CFAP47: variants seen among roughly 807,000 people sequenced by gnomAD.
CFAP47 encodes cilia- and flagella-associated protein 47.
CFAP47 carries 29 observed loss-of-function variants against 148.1 expected under a neutral mutation model. The observed-to-expected ratio is 0.20, with a 90% confidence interval of 0.15 to 0.27. CFAP47 has a LOEUF of 0.27. CFAP47 is among the 10% of genes least tolerant of loss of function. The probability of loss-of-function intolerance (pLI) is 1.00; values close to 1 mark genes in which losing one functional copy is unlikely to be tolerated. For synonymous variants in CFAP47, 664 were observed against 577.3 expected (o/e 1.15, Z -2.15); for missense variants, 1,872 against 1,697.5 (o/e 1.10, Z -1.81).
chrX:36,297,794 C>T (rs962675696), intron 51 of CFAP47, among the ~76,000 whole-genome samples: 8 of 112,050 alleles, frequency 7.1e-5, no homozygotes, highest in African/African-American at 2.3e-4. Context: ...TGCTAAGATA[C>T]GTTGCTACTT....
At chrX:36,093,490 GC>G (rs1482737029) in intron 30 of CFAP47, among the ~76,000 whole-genome samples, 1 of 110,778 alleles carries the variant, frequency 9.0e-6, no homozygotes, top group Non-Finnish European at 1.9e-5. Flanking sequence ...CTTTTGATTT[GC>G]ATTTATCTGT....
chrX:36,310,957 T>C lies in CFAP47; in HGVS notation c.8312T>C (p.Met2771Thr), dbSNP rs781804640. 73 of 1,135,170 alleles carry C rather than the reference T, an allele frequency of 6.4e-5. No individual in the cohort carries two copies. Among genetic ancestry groups the C allele is most frequent in the Non-Finnish European group, 8.5e-5 (72 of 851,779 alleles). The allele number at this position is 1,135,170 out of a possible 1,213,427, so 93.6% of individuals were successfully genotyped here. Residue 2771 changes from methionine (M) to threonine (T), a missense_variant, in exon 56 of 64, where the codon ATG (methionine) becomes ACG (threonine). Coordinates refer to ENST00000378653, the MANE Select transcript of CFAP47 (RefSeq NM_001304548.2). ...TIVIPFKNPTMEDVLIDIILT... is the reference protein window; with the variant it reads ...TIVIPFKNPTTEDVLIDIILT... ...GTTATACCTTTCAAAAATCCCACAA[T>C]GGAAGATGTCCTCATTGATATAATA...
At chrX:36,291,840 A>C (rs1941196093) in intron 51 of CFAP47, among the ~76,000 whole-genome samples, 1 of 111,467 alleles carries the variant, frequency 9.0e-6, no homozygotes, top group Non-Finnish European at 1.9e-5. Flanking sequence ...ATATATGTAT[A>C]CTTACATATA....
At chrX:35,989,522 G>T (rs747871559) in intron 16 of CFAP47, 73 bp downstream of exon 16, 16 of 1,206,748 alleles carry the variant, frequency 1.3e-5, no homozygotes, top group Non-Finnish European at 5.6e-6. Context: ...GGTGTATATA[G>T]TTACCTATAT....
In CFAP47 at chrX:36,176,009, C is replaced by T. The variant is rs1292789990; in HGVS notation, c.6027-3336C>T. ...GCGGGATATAATCTCCTGGCGCGCC[C>T]TTTTTTAAGCCCATCGGAAAAGCGC... On this transcript the variant is annotated intron_variant, in intron 39 of 63. Coordinates refer to ENST00000378653, the MANE Select transcript of CFAP47 (RefSeq NM_001304548.2). 2.7e-5 allele frequency among the ~76,000 whole-genome samples: 3 copies of T among 111,799 alleles called. No homozygotes were observed. In the East Asian group the frequency reaches 8.5e-4, roughly 32 times the overall value.
chrX:36,190,632 G>A (rs1384704772), intron 42 of CFAP47, among the ~76,000 whole-genome samples: 1 of 112,230 alleles, frequency 8.9e-6, no homozygotes, highest in Non-Finnish European at 1.9e-5. Context: ...AACTGAGGAA[G>A]GATCTGCTTC....
intron 2 of CFAP47, among the ~76,000 whole-genome samples, chrX:35,940,924 G>T (rs754893519): frequency 6.6e-4 from 74 of 111,313 alleles, no homozygotes; most frequent in African/African-American, 2.2e-3. Flanking sequence ...CTTACATTTT[G>T]TAAGTACTTA....
intron 57 of CFAP47, among the ~76,000 whole-genome samples, chrX:36,335,215 T>C (rs1941595189): frequency 9.0e-6 from 1 of 111,305 alleles, no homozygotes; most frequent in South Asian, 3.8e-4. Context: ...TCTGCCATGA[T>C]AGATACTAAG....
intron 49 of CFAP47, among the ~76,000 whole-genome samples, chrX:36,276,090 C>T (rs938319418): frequency 9.1e-6 from 1 of 109,775 alleles, no homozygotes; most frequent in Non-Finnish European, 1.9e-5. Flanking sequence ...TGTCACTAGT[C>T]ATGCATACCA....
At chrX:35,948,005 G>T (rs1187244524) in intron 3 of CFAP47, among the ~76,000 whole-genome samples, 1 of 111,634 alleles carries the variant, frequency 9.0e-6, no homozygotes, top group Non-Finnish European at 1.9e-5. Context: ...TGCTCCAGGG[G>T]TATTCAATCT....
chrX:35,923,381 TTC>T (rs1935608405), intron 1 of CFAP47, among the ~76,000 whole-genome samples: 1 of 111,668 alleles, frequency 9.0e-6, no homozygotes. Flanking sequence ...TAGATATTAT[TTC>T]TCTTTTTTCT....
In CFAP47 at chrX:35,971,634, A is replaced by G. The variant is rs1936492529; in HGVS notation, c.2019A>G (p.Gly673=). 1 of 1,201,721 alleles carries G rather than the reference A, an allele frequency of 8.3e-7. No homozygotes were observed. Among genetic ancestry groups the G allele is most frequent in the Non-Finnish European group, 1.1e-6 (1 of 888,555 alleles). The change falls in exon 12 of 64, where the codon GGA becomes GGG. Residue 673 remains glycine, a synonymous_variant. Transcript: ENST00000378653. Reference sequence around the variant, plus strand: ...ATACAGACATAGGCTTAGAGCCAGGATCAGGTCTAAAGTCACCCTCACTCT... The same window carrying G: ...ATACAGACATAGGCTTAGAGCCAGGGTCAGGTCTAAAGTCACCCTCACTCT... ...YDDTDIGLEP[G]SGLKSPSLSE... is the part of the protein sequence containing the mutation.
At chrX:35,962,926 GGTGTGTGTGTGTGTGTGTGTGT>G (rs59734260) in intron 8 of CFAP47, among the ~76,000 whole-genome samples, 1 of 90,792 alleles carries the variant, frequency 1.1e-5, no homozygotes, top group African/African-American at 4.1e-5. Context: ...AATAAAATGT[GGTGTGTGTGTGTGTGTGTGTGT>G]GTGTGTGTGT....
At chrX:35,953,785 G>T in intron 7 of CFAP47, 66 bp downstream of exon 7, 1 of 844,147 alleles carries the variant, frequency 1.2e-6, no homozygotes, top group Admixed American at 3.2e-5. Flanking sequence ...ATTTGAACAT[G>T]AATATCTGTA....
Position 36,085,248 on chromosome X carries a change from TG to T in CFAP47, c.4692-65del, listed in dbSNP as rs1235669163. 23 of 655,813 alleles carry T rather than the reference TG, an allele frequency of 3.5e-5. No individual in the cohort carries two copies. The South Asian group carries it at 5.9e-4, about 17-fold the overall frequency. 54.0% of individuals were successfully genotyped at this position (655,813 alleles called of 1,213,427 possible). A position where few individuals can be genotyped will look rare whatever the true frequency, so the allele number is the denominator to read the frequency against. ...TTTCATTTAGTCATTGAATTGAACA[TG>T]TTTTTTTTTCCCCCATACTATAACA... On this transcript the variant is annotated intron_variant, in intron 29 of 63. Coordinates refer to ENST00000378653, the MANE Select transcript of CFAP47 (RefSeq NM_001304548.2).
Position 35,951,232 on chromosome X carries a change from A to G in CFAP47, c.758A>G (p.Glu253Gly). ...AGCATGAGTAGTGACAGAAGGCTGG[A>G]ATGCATACACTTTGGTCCTGTTTTC... ...LLSMSSDRRL[E>G]CIHFGPVFFG... is the part of the protein sequence containing the mutation. The change falls in exon 5 of 64, where the codon GAA (glutamate) becomes GGA (glycine). Residue 253 changes from glutamate (E) to glycine (G), a missense_variant. Coordinates refer to ENST00000378653, the MANE Select transcript of CFAP47 (RefSeq NM_001304548.2). 1 of 1,208,818 alleles carries G rather than the reference A, an allele frequency of 8.3e-7. No individual in the cohort carries two copies. The highest frequency in any genetic ancestry group is 1.1e-6 in the Non-Finnish European group (1 of 893,015).
At chrX:36,081,556 G>T (rs1462125172) in intron 29 of CFAP47, among the ~76,000 whole-genome samples, 1 of 110,606 alleles carries the variant, frequency 9.0e-6, no homozygotes, top group African/African-American at 3.3e-5. Flanking sequence ...AAAACTATAG[G>T]CCAATATTCC....
chrX:35,921,382 C>A (rs1440051203), intron 1 of CFAP47, among the ~76,000 whole-genome samples: 1 of 112,198 alleles, frequency 8.9e-6, no homozygotes, highest in Non-Finnish European at 1.9e-5. Context: ...ACTCCAGACA[C>A]TGTAAAATTA....
At chrX:35,925,580 G>A (rs892750358) in intron 1 of CFAP47, among the ~76,000 whole-genome samples, 1 of 111,881 alleles carries the variant, frequency 8.9e-6, no homozygotes, top group Non-Finnish European at 1.9e-5. Flanking sequence ...AAATTAGAAA[G>A]TCTTTGGCAT....
Sources: gnomAD v4.1 joint callset for allele counts (sites outside exome capture counted in the v4.1 genomes callset) on GRCh38, gnomAD v4.1.1 for gene constraint, MANE v1.5 for transcripts, NCBI Gene and HGNC (gene_info 2026-07-23, HGNC 2026-07-21) for gene names.